The following SERINC5 variants were observed in gnomAD, a reference collection of about 807,000 sequenced individuals.
SERINC5 encodes chromosome 5 open reading frame 12.
In SERINC5, 41 loss-of-function variants were observed where a neutral mutation model predicts 63.1. That is an observed-to-expected ratio of 0.65 (90% CI 0.51 to 0.84). The LOEUF is 0.84. Among genes scored for constraint, SERINC5 ranks in the 40% least tolerant of loss-of-function variants. SERINC5 has a pLI of 0.00. For missense variants in SERINC5, 523 were observed against 573.0 expected (o/e 0.91, Z 0.89); for synonymous variants, 222 against 215.2 (o/e 1.03, Z -0.28).
intron 2 of SERINC5, among the ~76,000 whole-genome samples, chr5:80,201,732 C>T (rs1293321366): frequency 2.0e-5 from 3 of 152,176 alleles, no homozygotes; most frequent in African/African-American, 7.2e-5. Context: ...GTATCTCCAT[C>T]AGCATCACAC....
chr5:80,197,714 C>T (rs561337310), intron 2 of SERINC5, among the ~76,000 whole-genome samples: 28 of 152,344 alleles, frequency 1.8e-4, no homozygotes, highest in Admixed American at 1.5e-3. Flanking sequence ...CCCAAACACC[C>T]ATGTGGCTTC....
chr5:80,119,530 G>A (rs73125906), intron 11 of SERINC5, among the ~76,000 whole-genome samples: 10,026 of 152,242 alleles, frequency 0.066, 1,072 homozygotes, highest in African/African-American at 0.23. Context: ...TGCACTCACT[G>A]CACTGTTGTT....
intron 7 of SERINC5, among the ~76,000 whole-genome samples, chr5:80,162,886 T>TG (rs1554062212): frequency 6.6e-6 from 1 of 151,886 alleles, no homozygotes; most frequent in Non-Finnish European, 1.5e-5. Context: ...TTGTCCAGGC[T>TG]GGGGTGCAGG....
rs1224674652 is a variant in SERINC5, at chr5:80,164,915, T to TTTTG, written c.859+1467_859+1468insCAAA. Among the ~76,000 whole-genome samples the TTTTG allele has an allele frequency of 6.4e-4, 86 of 135,312 alleles. 1 individual carries two copies. Among genetic ancestry groups the TTTTG allele is most frequent in the African/African-American group, 2.4e-3 (85 of 34,914 alleles). The allele number at this position is 135,312 out of a possible 152,430, so 88.8% of individuals were successfully genotyped here. ...TTTAAAATAACTTTTTTTCTGTTTT[T>TTTTG]TTTTTTTTTTTTTTTTTGTAGAGAT... On this transcript the variant is annotated intron_variant, in intron 7 of 11. Transcript: ENST00000507668.
intron 12 of SERINC5, among the ~76,000 whole-genome samples, chr5:80,112,931 T>C (rs1348203653): frequency 6.6e-6 from 1 of 152,152 alleles, no homozygotes; most frequent in South Asian, 2.1e-4. Context: ...ACCACTGCAC[T>C]CCAGCCTGGA....
At chr5:80,218,507 T>C (rs956752443) in intron 1 of SERINC5, among the ~76,000 whole-genome samples, 36 of 151,914 alleles carry the variant, frequency 2.4e-4, no homozygotes, top group Admixed American at 2.2e-3. Flanking sequence ...ATTATTGCAC[T>C]CCAGCCTGGG....
intron 2 of SERINC5, among the ~76,000 whole-genome samples, chr5:80,184,160 A>G (rs150500914): frequency 7.8e-4 from 119 of 152,312 alleles, no homozygotes; most frequent in South Asian, 2.5e-3. Context: ...TTCATGGAGA[A>G]GCCATACCAC....
intron 11 of SERINC5, among the ~76,000 whole-genome samples, chr5:80,125,483 A>G (rs1003893170): frequency 6.6e-6 from 1 of 152,210 alleles, no homozygotes; most frequent in African/African-American, 2.4e-5. Context: ...AGGAAACCAA[A>G]AGTAGTATCT....
At chr5:80,251,172 G>A (rs902192390) in intron 1 of SERINC5, among the ~76,000 whole-genome samples, 2 of 152,106 alleles carry the variant, frequency 1.3e-5, no homozygotes, top group African/African-American at 4.8e-5. Context: ...CCAGCTACTT[G>A]GGAGGCTGAA....
At chr5:80,189,671 C>T (rs1410739094) in intron 2 of SERINC5, among the ~76,000 whole-genome samples, 1 of 152,112 alleles carries the variant, frequency 6.6e-6, no homozygotes, top group African/African-American at 2.4e-5. Context: ...AAAACACATG[C>T]TTATAGTCTA....
chr5:80,180,905 A>G (rs1161166502), intron 2 of SERINC5, among the ~76,000 whole-genome samples: 1 of 152,192 alleles, frequency 6.6e-6, no homozygotes, highest in Non-Finnish European at 1.5e-5. Flanking sequence ...CTAGACTTAG[A>G]TTGCAGACCT....
At chr5:80,188,229 G>C (rs904418909) in intron 2 of SERINC5, among the ~76,000 whole-genome samples, 1 of 145,556 alleles carries the variant, frequency 6.9e-6, no homozygotes, top group African/African-American at 2.6e-5. Context: ...TTTGCAGTGC[G>C]CTGAGATCCC....
chr5:80,139,576 G>C lies in SERINC5; in HGVS notation c.*4087C>G. The C allele has an allele frequency of 1.0e-6, 1 of 974,568 alleles. No homozygotes were observed. The highest frequency in any genetic ancestry group is 1.2e-6 in the Non-Finnish European group (1 of 828,452). The allele number at this position is 974,568 out of a possible 1,614,324, so 60.4% of individuals were successfully genotyped here. A position where few individuals can be genotyped will look rare whatever the true frequency, so the allele number is the denominator to read the frequency against. ...TTTCAAAATGACTGCCTCTGTGAAAGAGTTGTTGAGAAAGAAGAAAAGAGA... is the reference window on the plus strand; with the variant it reads ...TTTCAAAATGACTGCCTCTGTGAAACAGTTGTTGAGAAAGAAGAAAAGAGA... On this transcript the variant is annotated 3_prime_UTR_variant, in exon 12 of 12. Coordinates refer to ENST00000507668, the MANE Select transcript of SERINC5 (RefSeq NM_001174072.3).
downstream of SERINC5, among the ~76,000 whole-genome samples, chr5:80,135,577 G>C (rs775922621): frequency 1.1e-4 from 16 of 152,070 alleles, no homozygotes; most frequent in Non-Finnish European, 2.1e-4. Flanking sequence ...TCTGAATAAG[G>C]TTTGCAGTGC....
intron 11 of SERINC5, among the ~76,000 whole-genome samples, chr5:80,127,515 T>C (rs1744790074): frequency 6.6e-6 from 1 of 152,200 alleles, no homozygotes. Context: ...TACCACAGCA[T>C]AACTTAGCCG....
chr5:80,227,042 C>T (rs538439596), intron 1 of SERINC5, among the ~76,000 whole-genome samples: 1 of 152,010 alleles, frequency 6.6e-6, no homozygotes, highest in Non-Finnish European at 1.5e-5. Flanking sequence ...ATTATAGGTG[C>T]CCCCCACCAC....
Position 80,140,467 on chromosome 5 carries a change from C to G in SERINC5, c.*3196G>C. 1 of 984,840 alleles carries G rather than the reference C, an allele frequency of 1.0e-6. No homozygotes were observed. Among genetic ancestry groups the G allele is most frequent in the Non-Finnish European group, 1.2e-6 (1 of 829,690 alleles). The allele number at this position is 984,840 out of a possible 1,614,324, so 61.0% of individuals were successfully genotyped here. ...CAGAACCCCAAAACCCCAATAACTC[C>G]ACCCTCCCCACAACCCACCCCCACT... is the stretch of plus-strand genomic sequence containing the variant. On this transcript the variant is annotated 3_prime_UTR_variant, in exon 12 of 12. Transcript: ENST00000507668.
At chr5:80,144,735 T>C (rs1207502062) in intron 11 of SERINC5, among the ~76,000 whole-genome samples, 1 of 152,186 alleles carries the variant, frequency 6.6e-6, no homozygotes, top group East Asian at 1.9e-4. Context: ...CTCATCACCA[T>C]CTAACACACC....
At chr5:80,242,356 A>T (rs1019971139) in intron 1 of SERINC5, among the ~76,000 whole-genome samples, 18 of 152,072 alleles carry the variant, frequency 1.2e-4, no homozygotes, top group Non-Finnish European at 2.1e-4. Context: ...GGTGGCTCAC[A>T]CCTGTAATCC....
Sources: gnomAD v4.1 joint callset for allele counts (sites outside exome capture counted in the v4.1 genomes callset) on GRCh38, gnomAD v4.1.1 for gene constraint, MANE v1.5 for transcripts, NCBI Gene and HGNC (gene_info 2026-07-23, HGNC 2026-07-21) for gene names.